NFIC: variants seen among roughly 807,000 people sequenced by gnomAD.
The protein encoded by NFIC is nuclear factor 1 C-type.
Under a neutral mutation model 54.4 loss-of-function variants are expected in NFIC, and 12 were observed. The ratio of observed to expected loss-of-function variants is 0.22; its 90% confidence interval spans 0.14 to 0.36. The LOEUF is 0.36. Among genes scored for constraint, NFIC ranks in the 10% least tolerant of loss-of-function variants. The probability of loss-of-function intolerance (pLI) is 1.00; values close to 1 mark genes in which losing one functional copy is unlikely to be tolerated. For synonymous variants in NFIC, 322 were observed against 319.2 expected (o/e 1.01, Z -0.09); for missense variants, 575 against 718.2 (o/e 0.80, Z 2.28).
At chr19:3,374,041 G>A (rs1379742761) in intron 1 of NFIC, among the ~76,000 whole-genome samples, 2 of 152,238 alleles carry the variant, frequency 1.3e-5, no homozygotes, top group Non-Finnish European at 2.9e-5. Flanking sequence ...CTAAGGCTTT[G>A]AAGGATGCGT....
chr19:3,407,550 T>A (rs2081673527), intron 2 of NFIC, among the ~76,000 whole-genome samples: 1 of 152,166 alleles, frequency 6.6e-6, no homozygotes, highest in African/African-American at 2.4e-5. Context: ...TTCTCCTGCC[T>A]CAGCCTCCTG....
chr19:3,414,673 CTG>C (rs2081822851), intron 2 of NFIC, among the ~76,000 whole-genome samples: 1 of 151,900 alleles, frequency 6.6e-6, no homozygotes. Context: ...ACTTAGCTGA[CTG>C]TGCAAGAATA....
intron 1 of NFIC, among the ~76,000 whole-genome samples, chr19:3,376,862 G>A (rs1162484045): frequency 6.6e-6 from 1 of 151,956 alleles, no homozygotes; most frequent in Non-Finnish European, 1.5e-5. Flanking sequence ...CCGAGTAGCT[G>A]GGATTACAGG....
At position 3,462,806 on chromosome 19, in the gene NFIC, C is replaced by G. The variant is rs781515561; in HGVS notation, c.*37C>G. On this transcript the variant is annotated 3_prime_UTR_variant, in exon 11 of 11. Coordinates refer to ENST00000443272, the MANE Select transcript of NFIC (RefSeq NM_001245002.2). ...TTCCCTCGCCCCTTCTCCATCGTCC[C>G]AGGAATCCCAGGGGGCAGCACAGCC... 1 of 1,613,802 alleles carries G rather than the reference C, an allele frequency of 6.2e-7. No homozygotes were observed. Among genetic ancestry groups the G allele is most frequent in the East Asian group, 2.2e-5 (1 of 44,868 alleles).
In NFIC at chr19:3,429,248, ATATATAC is replaced by A. The variant is rs1318526247; in HGVS notation, c.634+4072_634+4078del. Among the ~76,000 whole-genome samples, 298 of 60,198 alleles carry A rather than the reference ATATATAC, an allele frequency of 5.0e-3. 40 individuals are homozygous for A. The highest frequency in any genetic ancestry group is 0.02 in the East Asian group (24 of 1,194). 39.5% of individuals were successfully genotyped at this position (60,198 alleles called of 152,430 possible). ...CTCTACCCCAAAAAAAAAAAAAAAA[ATATATAC>A]ACACACACACACACACACACACACA... On this transcript the variant is annotated intron_variant, in intron 3 of 10. Coordinates refer to ENST00000443272, the MANE Select transcript of NFIC (RefSeq NM_001245002.2).
chr19:3,443,393 A>C (rs915950469), intron 6 of NFIC, among the ~76,000 whole-genome samples: 17 of 151,838 alleles, frequency 1.1e-4, no homozygotes, highest in Admixed American at 2.0e-4. Flanking sequence ...AGTGCACTCC[A>C]GTCTGGGCAA....
In NFIC at chr19:3,463,857, GC is replaced by G. The variant is rs953711190; in HGVS notation, c.*1096del. 4.2e-5 allele frequency: 37 copies of G among 878,212 alleles called. No homozygotes were observed. The highest frequency in any genetic ancestry group is 1.8e-4 in the African/African-American group (8 of 45,028). 54.4% of individuals were successfully genotyped at this position (878,212 alleles called of 1,614,324 possible). ...TTTAAGTGCCTGATTACCACCACCC[GC>G]CCCCCCCTTTGTCCAGCTGGGACAC... On this transcript the variant is annotated 3_prime_UTR_variant, in exon 11 of 11. Coordinates refer to ENST00000443272, the MANE Select transcript of NFIC (RefSeq NM_001245002.2).
chr19:3,393,098 A>ATG, intron 2 of NFIC, among the ~76,000 whole-genome samples: 1 of 151,906 alleles, frequency 6.6e-6, no homozygotes, highest in East Asian at 1.9e-4. Context: ...CCGCCACCAC[A>ATG]CCCAGCTAAT....
rs369236904 is a variant in NFIC, at chr19:3,381,623, GC to G, written c.31-85del. 4.7e-4 allele frequency: 707 copies of G among 1,503,836 alleles called. 5 individuals are homozygous for G. In the African/African-American group the frequency reaches 9.1e-3, roughly 19 times the overall value. 93.2% of individuals were successfully genotyped at this position (1,503,836 alleles called of 1,614,324 possible). ...CTCCCACTCTGCGGGTCTGTTCAGGGCCCCTCCGACCTCAGCCTTCGGGGCC... is the reference window on the plus strand; with the variant it reads ...CTCCCACTCTGCGGGTCTGTTCAGGGCCCTCCGACCTCAGCCTTCGGGGCC... On this transcript the variant is annotated intron_variant, in intron 1 of 10. Coordinates refer to ENST00000443272, the MANE Select transcript of NFIC (RefSeq NM_001245002.2).
At chr19:3,448,568 G>A (rs769949192) in intron 6 of NFIC, among the ~76,000 whole-genome samples, 1 of 152,170 alleles carries the variant, frequency 6.6e-6, no homozygotes, top group Non-Finnish European at 1.5e-5. Context: ...TTCCTCCCGC[G>A]TGGACGAGGG....
intron 1 of NFIC, among the ~76,000 whole-genome samples, chr19:3,372,519 AGT>A (rs1460906788): frequency 6.6e-6 from 1 of 152,198 alleles, no homozygotes; most frequent in Non-Finnish European, 1.5e-5. Flanking sequence ...TGGGACCGAC[AGT>A]CTAGGCCGGG....
upstream of NFIC, among the ~76,000 whole-genome samples, chr19:3,363,527 C>T (rs920507216): frequency 2.6e-5 from 4 of 151,088 alleles, no homozygotes; most frequent in Non-Finnish European, 4.4e-5. Context: ...CTGCCTCGGC[C>T]TCCCAAAGTG....
intron 2 of NFIC, among the ~76,000 whole-genome samples, chr19:3,393,091 C>G (rs892779515): frequency 6.6e-6 from 1 of 152,148 alleles, no homozygotes; most frequent in Non-Finnish European, 1.5e-5. Context: ...CAGGTGCCCG[C>G]CACCACACCC....
intron 1 of NFIC, 139 bp from the exon 2 acceptor site, chr19:3,381,573 C>A (rs2081208534): frequency 1.5e-6 from 2 of 1,307,370 alleles, no homozygotes; most frequent in Non-Finnish European, 2.0e-6. Context: ...TCCGCAGCGA[C>A]CCCCTGCCCA....
chr19:3,459,845 C>T lies in NFIC; in HGVS notation c.1510-2907C>T, dbSNP rs1301897829. Among the ~76,000 whole-genome samples the T allele has an allele frequency of 1.3e-5, 2 of 152,222 alleles. No homozygotes were observed. Among genetic ancestry groups the T allele is most frequent in the Admixed American group, 6.5e-5 (1 of 15,282 alleles). On this transcript the variant is annotated intron_variant, in intron 10 of 10. Coordinates refer to ENST00000443272, the MANE Select transcript of NFIC (RefSeq NM_001245002.2). The surrounding 1 kb of genome is among the most constrained non-coding windows in gnomAD (Gnocchi z 4.2). Reference sequence around the variant, plus strand: ...GTGGCGCCAGTTCCATGGGCTGGCCCAGTGGCTGCCTGGTTGGAGGGGCTC... The same window carrying T: ...GTGGCGCCAGTTCCATGGGCTGGCCTAGTGGCTGCCTGGTTGGAGGGGCTC...
intron 6 of NFIC, among the ~76,000 whole-genome samples, chr19:3,437,635 CAAAAAAAAAAAAAGA>C (rs2082224711): frequency 1.3e-5 from 1 of 77,352 alleles, no homozygotes; most frequent in African/African-American, 4.5e-5. Flanking sequence ...GACTATGTCT[CAAAAAAAAAAAAAGA>C]AAAAAAAAGT....
intron 2 of NFIC, among the ~76,000 whole-genome samples, chr19:3,392,033 G>T: frequency 6.6e-6 from 1 of 151,588 alleles, no homozygotes; most frequent in East Asian, 1.9e-4. Context: ...ATTGAGCATA[G>T]GGGGTGCCTA....
intron 2 of NFIC, among the ~76,000 whole-genome samples, chr19:3,404,280 C>T (rs928803421): frequency 2.0e-5 from 3 of 152,066 alleles, no homozygotes; most frequent in Non-Finnish European, 2.9e-5. Flanking sequence ...CACTCCCCCC[C>T]ACCCCGGGTG....
At chr19:3,393,580 C>G (rs144864062) in intron 2 of NFIC, among the ~76,000 whole-genome samples, 1 of 151,296 alleles carries the variant, frequency 6.6e-6, no homozygotes, top group Admixed American at 6.6e-5. Flanking sequence ...TTTGGGAGAC[C>G]GAGGAGGGCA....
Sources: gnomAD v4.1 joint callset for allele counts (sites outside exome capture counted in the v4.1 genomes callset) on GRCh38, gnomAD v4.1.1 for gene constraint, Gnocchi (gnomAD v3.1) non-coding constraint, MANE v1.5 for transcripts, NCBI Gene and HGNC (gene_info 2026-07-23, HGNC 2026-07-21) for gene names.